The following MLH3 variants were observed in gnomAD, a reference collection of about 807,000 sequenced individuals.
MLH3 encodes DNA mismatch repair protein Mlh3.
MLH3 carries 82 observed loss-of-function variants against 122.2 expected under a neutral mutation model. That is an observed-to-expected ratio of 0.67 (90% CI 0.56 to 0.81). The LOEUF (loss-of-function observed/expected upper bound fraction) is 0.81. Ranked by LOEUF, MLH3 falls within the 30% of genes least tolerant of loss-of-function variation. The pLI is 0.00. For missense variants in MLH3, 1,539 were observed against 1,714.5 expected (o/e 0.90, Z 1.81); for synonymous variants, 524 against 599.5 (o/e 0.87, Z 1.84).
chr14:75,037,774 G>A (rs192405890), intron 6 of MLH3, among the ~76,000 whole-genome samples: 9 of 151,740 alleles, frequency 5.9e-5, no homozygotes, highest in Non-Finnish European at 1.2e-4. Flanking sequence ...GCAATATAGC[G>A]AGACCCCGTT....
chr14:75,022,809 C>T lies in MLH3; in HGVS notation c.4090+5G>A. 1 of 1,613,834 alleles carries T rather than the reference C, an allele frequency of 6.2e-7. No individual in the cohort carries two copies. The highest frequency in any genetic ancestry group is 8.5e-7 in the Non-Finnish European group (1 of 1,179,710). ...GTTTGATCACTGCTATGTTGAAGGG[C>T]TTACCATGGCAGGCTTGGGATGCCA... On this transcript the variant is annotated splice_donor_5th_base_variant and intron_variant, in intron 11 of 12. Transcript: ENST00000355774.
Position 75,019,907 on chromosome 14 carries a change from C to G in MLH3, c.4091-927G>C, listed in dbSNP as rs28757046. 3.8e-3 allele frequency among the ~76,000 whole-genome samples: 579 copies of G among 152,116 alleles called. 4 individuals are homozygous for G. The highest frequency in any genetic ancestry group is 0.014 in the African/African-American group (562 of 41,488). On this transcript the variant is annotated intron_variant, in intron 11 of 12. Transcript: ENST00000355774. ...CTTATGGTCTAATAGGGGAGACAAA[C>G]ATGAAGCAGATAATTATACAATAAT...
At chr14:75,049,826 T>C in intron 1 of MLH3, 108 bp from the exon 2 acceptor site, 1 of 736,724 alleles carries the variant, frequency 1.4e-6, no homozygotes, top group Non-Finnish European at 2.3e-6. Context: ...TTAAACCAAA[T>C]TGTGAAACAA....
intron 2 of MLH3, among the ~76,000 whole-genome samples, chr14:75,043,261 C>G (rs940237669): frequency 2.6e-5 from 4 of 152,218 alleles, no homozygotes; most frequent in Non-Finnish European, 5.9e-5. Context: ...CTTGGTGCAA[C>G]CTTCACAAAT....
Position 75,049,154 on chromosome 14 carries a change from A to T in MLH3, c.502T>A (p.Phe168Ile). 1.2e-6 allele frequency: 2 copies of T among 1,614,078 alleles called. No individual in the cohort carries two copies. Among genetic ancestry groups the T allele is most frequent in the Non-Finnish European group, 1.7e-6 (2 of 1,179,998 alleles). ...TCTATTCTCTGCCTAACCTTCTCAA[A>T]CTCCAGTCTAGGGTCCATGCATTTC... ...RRKCMDPRLE[F>I]EKVRQRIEAL... Residue 168 changes from phenylalanine (F) to isoleucine (I), a missense_variant, in exon 2 of 13, where the codon TTT (phenylalanine) becomes ATT (isoleucine). Coordinates refer to ENST00000355774, the MANE Select transcript of MLH3 (RefSeq NM_001040108.2).
At chr14:75,038,667 G>A (rs1891590998) in intron 5 of MLH3, among the ~76,000 whole-genome samples, 1 of 152,138 alleles carries the variant, frequency 6.6e-6, no homozygotes, top group African/African-American at 2.4e-5. Flanking sequence ...TCAGAGTGGT[G>A]TGCTAGCAAT....
At chr14:75,035,391 G>A (rs548451316) in intron 6 of MLH3, among the ~76,000 whole-genome samples, 90 of 151,822 alleles carry the variant, frequency 5.9e-4, no homozygotes, top group Middle Eastern at 3.4e-3. Flanking sequence ...CGTGGGTGGC[G>A]GGTGCCTGTA....
intron 2 of MLH3, among the ~76,000 whole-genome samples, 164 bp downstream of exon 2, chr14:75,046,212 G>T (rs1478395038): frequency 2.0e-5 from 3 of 150,964 alleles, no homozygotes; most frequent in Admixed American, 1.3e-4. Flanking sequence ...AGTGTTGGAC[G>T]TAGCAAATCT....
intron 6 of MLH3, among the ~76,000 whole-genome samples, chr14:75,033,993 G>T (rs1891219634): frequency 6.6e-6 from 1 of 151,990 alleles, no homozygotes; most frequent in South Asian, 2.1e-4. Context: ...AAGAAATCGA[G>T]ATCATCCTGG....
rs749032216 is a variant in MLH3, at chr14:75,048,157, G to A, written c.1499C>T (p.Pro500Leu). The change falls in exon 2 of 13, where the codon CCG becomes CTG. Residue 500 changes from proline to leucine, a missense_variant. By Grantham distance (98) the Pro-to-Leu change is moderately conservative (BLOSUM62 -3). Transcript: ENST00000355774. ...SFLEHSSLEN[P>L]CGTSLEMFLS... ...AAACATTTCTAAACTGGTTCCACAC[G>A]GATTTTCTAAAGAGCTATGTTCCAG... The A allele has an allele frequency of 5.6e-6, 9 of 1,613,938 alleles. No individual in the cohort carries two copies. The highest frequency in any genetic ancestry group is 3.3e-5 in the South Asian group (3 of 91,058).
Position 75,035,706 on chromosome 14 carries a change from C to T in MLH3, c.3644-2216G>A, listed in dbSNP as rs73309719. 1.5e-3 allele frequency among the ~76,000 whole-genome samples: 231 copies of T among 152,240 alleles called. 3 individuals carry two copies. Among genetic ancestry groups the T allele is most frequent in the African/African-American group, 5.2e-3 (215 of 41,534 alleles). ...TTTTGAAATACATAGAGAATAAATG[C>T]TCTAAAACTTTAGCACTTGCCTGCA... On this transcript the variant is annotated intron_variant, in intron 6 of 12. Coordinates refer to ENST00000355774, the MANE Select transcript of MLH3 (RefSeq NM_001040108.2).
chr14:75,031,424 A>G (rs572936362), intron 8 of MLH3, among the ~76,000 whole-genome samples: 2 of 150,836 alleles, frequency 1.3e-5, no homozygotes, highest in South Asian at 2.1e-4. Flanking sequence ...TGGCATAAAC[A>G]CAGACTGTTC....
chr14:75,035,276 C>G (rs923772285), intron 6 of MLH3, among the ~76,000 whole-genome samples: 1 of 151,980 alleles, frequency 6.6e-6, no homozygotes, highest in Non-Finnish European at 1.5e-5. Flanking sequence ...AATCCCAGCA[C>G]TTTGGGAGGC....
intron 2 of MLH3, among the ~76,000 whole-genome samples, chr14:75,045,440 T>C (rs28756997): frequency 2.5e-4 from 38 of 152,348 alleles, no homozygotes; most frequent in Non-Finnish European, 5.0e-4. Flanking sequence ...TTGAAAAGTA[T>C]AGTCATGAAA....
intron 8 of MLH3, among the ~76,000 whole-genome samples, chr14:75,031,701 G>A (rs927002056): frequency 4.6e-5 from 7 of 152,086 alleles, no homozygotes; most frequent in Non-Finnish European, 1.0e-4. Flanking sequence ...GTAGTTCCAG[G>A]TACTTGGGAG....
Position 75,049,745 on chromosome 14 carries a change from A to G in MLH3, c.-63-27T>C, listed in dbSNP as rs1004209397. 2.4e-6 allele frequency: 3 copies of G among 1,245,728 alleles called. No individual in the cohort carries two copies. The African/African-American group carries it at 4.5e-5, about 19-fold the overall frequency. 77.2% of individuals were successfully genotyped at this position (1,245,728 alleles called of 1,614,324 possible). ...TATTGGAGAAAAAAACCACACACGC[A>G]CATAATCAAAGCTTTAGCATTACAC... On this transcript the variant is annotated intron_variant, in intron 1 of 12. Transcript: ENST00000355774.
Position 75,047,666 on chromosome 14 carries a change from TACTTA to T in MLH3, c.1985_1989del (p.Leu662Ter). The T allele has an allele frequency of 2.5e-6, 4 of 1,614,032 alleles. No homozygotes were observed. Among genetic ancestry groups the T allele is most frequent in the Non-Finnish European group, 3.4e-6 (4 of 1,179,958 alleles). On this transcript the variant is annotated frameshift_variant, in exon 2 of 13. Coordinates refer to ENST00000355774, the MANE Select transcript of MLH3 (RefSeq NM_001040108.2). LOFTEE classifies it high-confidence loss of function. ...TTGTTGGGCAATTGACCAGATTCTT[TACTTA>T]AAGTGCTGGCTAAATCTTTGATGTC...
chr14:75,018,037 C>T (rs1478222007), intron 12 of MLH3, among the ~76,000 whole-genome samples: 4 of 152,018 alleles, frequency 2.6e-5, no homozygotes, highest in Middle Eastern at 3.4e-3. Flanking sequence ...CCCAGCTACT[C>T]GGGAGGCTGA....
At position 75,048,874 on chromosome 14, in the gene MLH3, C is replaced by T; in HGVS notation, c.782G>A (p.Arg261Lys). 1 of 1,614,024 alleles carries T rather than the reference C, an allele frequency of 6.2e-7. No individual in the cohort carries two copies. Among genetic ancestry groups the T allele is most frequent in the Non-Finnish European group, 8.5e-7 (1 of 1,179,980 alleles). The change falls in exon 2 of 13, where the codon AGG (arginine) becomes AAG (lysine). Residue 261 changes from arginine to lysine, a missense_variant. By Grantham distance (26) the Arg-to-Lys change is conservative. Coordinates refer to ENST00000355774, the MANE Select transcript of MLH3 (RefSeq NM_001040108.2). ...FLFVNKRLVL[R>K]TKLHKLIDFL... is the part of the protein sequence containing the mutation. ...GTCAATGAGTTTATGTAGCTTTGTC[C>T]TTAAAACTAGTCTTTTGTTCACAAA...
Sources: allele counts gnomAD v4.1 joint callset (sites outside exome capture counted in the v4.1 genomes callset), GRCh38; gene constraint gnomAD v4.1.1; transcripts MANE v1.5; gene names NCBI Gene and HGNC (gene_info 2026-07-23, HGNC 2026-07-21).